The following CDK14 variants were observed in gnomAD, a reference collection of about 807,000 sequenced individuals.
CDK14 encodes cyclin dependent kinase 14.
A neutral mutation model predicts 60.7 loss-of-function variants in CDK14; 34 were observed. The observed-to-expected ratio is 0.56, with a 90% CI of 0.43 to 0.75. The LOEUF is 0.75. Among genes scored for constraint, CDK14 ranks in the 30% least tolerant of loss-of-function variants. CDK14 has a pLI of 0.00. For synonymous variants in CDK14, 197 were observed against 203.7 expected (o/e 0.97, Z 0.28); for missense variants, 482 against 564.1 (o/e 0.85, Z 1.47).
At chr7:91,171,471 TG>T (rs1554444354) in intron 14 of CDK14, among the ~76,000 whole-genome samples, 1 of 152,108 alleles carries the variant, frequency 6.6e-6, no homozygotes, top group African/African-American at 2.4e-5. Context: ...TGTAGAATAA[TG>T]TTTTTTAATA....
chr7:91,172,570 A>C (rs1801557710), intron 14 of CDK14, among the ~76,000 whole-genome samples: 1 of 152,194 alleles, frequency 6.6e-6, no homozygotes, highest in South Asian at 2.1e-4. Flanking sequence ...AGTGGGTCCC[A>C]TAGGCTAGAT....
At chr7:90,668,832 C>A (rs1241536939) in intron 2 of CDK14, among the ~76,000 whole-genome samples, 1 of 150,818 alleles carries the variant, frequency 6.6e-6, no homozygotes, top group African/African-American at 2.4e-5. Context: ...CCTCAGCCTC[C>A]TGAGTAGCTA....
chr7:90,784,418 A>C (rs1262947877), intron 4 of CDK14, among the ~76,000 whole-genome samples: 2 of 152,212 alleles, frequency 1.3e-5, no homozygotes, highest in African/African-American at 4.8e-5. Context: ...GTGGATATGG[A>C]AAGTTCTCAA....
At chr7:90,728,599 A>T (rs1802729046) in intron 3 of CDK14, among the ~76,000 whole-genome samples, 1 of 151,326 alleles carries the variant, frequency 6.6e-6, no homozygotes. Flanking sequence ...AGCTTGGGGA[A>T]TTTTTTTTCC....
intron 9 of CDK14, among the ~76,000 whole-genome samples, chr7:90,983,203 G>T (rs1462827450): frequency 6.6e-6 from 1 of 151,728 alleles, no homozygotes; most frequent in Non-Finnish European, 1.5e-5. Context: ...CTCATAACTG[G>T]GTATATATCT....
intron 4 of CDK14, among the ~76,000 whole-genome samples, chr7:90,781,309 G>T (rs2116931686): frequency 6.6e-6 from 1 of 152,178 alleles, no homozygotes; most frequent in South Asian, 2.1e-4. Context: ...GTAGATTCTG[G>T]ATATTAGCCC....
At chr7:91,149,788 C>T (rs1323674970) in intron 14 of CDK14, among the ~76,000 whole-genome samples, 1 of 152,210 alleles carries the variant, frequency 6.6e-6, no homozygotes, top group Admixed American at 6.5e-5. Flanking sequence ...TGGGTGTGTT[C>T]TGGTTGCCCT....
chr7:91,008,156 A>AAAAAAAAAAAAG (rs1796045180), intron 10 of CDK14, among the ~76,000 whole-genome samples: 1 of 151,322 alleles, frequency 6.6e-6, no homozygotes, highest in Non-Finnish European at 1.5e-5. Context: ...CAAACAAAAA[A>AAAAAAAAAAAAG]AAACAGTGGA....
intron 3 of CDK14, 34 bp from the exon 4 acceptor site, chr7:90,747,647 A>G: frequency 8.3e-7 from 1 of 1,203,676 alleles, no homozygotes; most frequent in Non-Finnish European, 1.2e-6. Context: ...AATTTGATAC[A>G]ATCTGTTTTG....
chr7:90,684,686 A>G (rs775714053), intron 2 of CDK14, among the ~76,000 whole-genome samples: 16 of 152,312 alleles, frequency 1.1e-4, no homozygotes, highest in Admixed American at 5.2e-4. Flanking sequence ...GGGAATTAAG[A>G]TCTGCCTTTT....
intron 2 of CDK14, chr7:90,710,546 G>A: frequency 1.0e-6 from 1 of 985,206 alleles, no homozygotes; most frequent in Non-Finnish European, 1.2e-6. Context: ...CTTTAAGTGT[G>A]TACTGCTGAG....
chr7:90,760,874 C>T (rs1804287379), intron 4 of CDK14, among the ~76,000 whole-genome samples: 1 of 152,168 alleles, frequency 6.6e-6, no homozygotes, highest in Admixed American at 6.5e-5. Context: ...AAGTAGGGTT[C>T]CTATCCTTAG....
At chr7:91,182,325 T>C (rs1473561215) in intron 14 of CDK14, among the ~76,000 whole-genome samples, 1 of 152,148 alleles carries the variant, frequency 6.6e-6, no homozygotes, top group South Asian at 2.1e-4. Context: ...TGTTTTCAAA[T>C]CACTTGCTGT....
intron 2 of CDK14, among the ~76,000 whole-genome samples, chr7:90,718,483 C>T (rs1481258413): frequency 6.6e-6 from 1 of 152,094 alleles, no homozygotes; most frequent in African/African-American, 2.4e-5. Context: ...TATCATTTTA[C>T]AGATGAGAAG....
chr7:91,056,916 A>T, intron 11 of CDK14, among the ~76,000 whole-genome samples: 1 of 152,042 alleles, frequency 6.6e-6, no homozygotes, highest in African/African-American at 2.4e-5. Context: ...TCCTTTGGGT[A>T]TATACCCAGT....
At chr7:91,078,745 A>G (rs1259349266) in intron 11 of CDK14, among the ~76,000 whole-genome samples, 1 of 152,228 alleles carries the variant, frequency 6.6e-6, no homozygotes, top group Non-Finnish European at 1.5e-5. Flanking sequence ...GTACATAAGG[A>G]TGGGTGTATT....
intron 8 of CDK14, among the ~76,000 whole-genome samples, chr7:90,942,743 G>A (rs1793973177): frequency 6.6e-6 from 1 of 152,246 alleles, no homozygotes; most frequent in African/African-American, 2.4e-5. Context: ...CATGCACCCG[G>A]CTTACATGAA....
intron 2 of CDK14, among the ~76,000 whole-genome samples, chr7:90,649,924 T>A (rs111399542): frequency 2.4e-4 from 36 of 152,332 alleles, no homozygotes; most frequent in African/African-American, 7.2e-4. Context: ...AACATACATA[T>A]GCATGTGTCT....
chr7:90,682,174 T>C (rs936569692), intron 2 of CDK14, among the ~76,000 whole-genome samples: 5 of 152,142 alleles, frequency 3.3e-5, no homozygotes, highest in African/African-American at 1.2e-4. Flanking sequence ...AATATTAAAG[T>C]TTACCTTTTC....
Sources: gnomAD v4.1 joint callset for allele counts (sites outside exome capture counted in the v4.1 genomes callset) on GRCh38, gnomAD v4.1.1 for gene constraint, MANE v1.5 for transcripts, NCBI Gene and HGNC (gene_info 2026-07-23, HGNC 2026-07-21) for gene names.